LIMS2: variants seen among roughly 807,000 people sequenced by gnomAD.
LIMS2 encodes the protein LIM zinc finger domain containing 2, also known as LIM and senescent cell antigen-like-containing domain protein 2.
Under a neutral mutation model 45.3 loss-of-function variants are expected in LIMS2, and 30 were observed. The observed-to-expected ratio is 0.66, with a 90% confidence interval of 0.50 to 0.90. LIMS2 has a LOEUF of 0.90. Among genes scored for constraint, LIMS2 ranks in the 40% least tolerant of loss-of-function variants. The probability of loss-of-function intolerance (pLI) is 0.00; values close to 1 mark genes in which losing one functional copy is unlikely to be tolerated. For synonymous variants in LIMS2, 173 were observed against 188.0 expected, an observed-to-expected ratio of 0.92 and a Z score of 0.65; for missense variants, 485 against 468.7, an observed-to-expected ratio of 1.03 and a Z score of -0.32.
chr2:127,653,954 G>A lies in LIMS2; in HGVS notation c.359+470C>T, dbSNP rs1224166684. Among the ~76,000 whole-genome samples the A allele has an allele frequency of 1.3e-5, 2 of 152,140 alleles. No homozygotes were observed. The highest frequency in any genetic ancestry group is 4.8e-5 in the African/African-American group (2 of 41,404). On this transcript the variant is annotated intron_variant, in intron 4 of 9. Transcript: ENST00000355119. The surrounding 1 kb of genome is among the most constrained non-coding windows in gnomAD (Gnocchi z 5.3). ...ACGGGATCTCAGAGCTAGGGCCAGG[G>A]GAGGTGGGAGACAAGGCCACCTGCT...
At position 127,649,871 on chromosome 2, in the gene LIMS2, C is replaced by T. The variant is rs991650275; in HGVS notation, c.359+4553G>A. On this transcript the variant is annotated intron_variant, in intron 4 of 9. Transcript: ENST00000355119. Reference sequence around the variant, plus strand: ...CAACAGCGCTGGCCAGTGTCTCTGACGCTGGGTAAAATGGGTCTTCCCCTC... The same window carrying T: ...CAACAGCGCTGGCCAGTGTCTCTGATGCTGGGTAAAATGGGTCTTCCCCTC... The T allele has an allele frequency of 2.7e-4, 188 of 705,730 alleles. 2 individuals are homozygous for T. Among genetic ancestry groups the T allele is most frequent in the African/African-American group, 2.4e-3 (137 of 56,194 alleles). The allele number at this position is 705,730 out of a possible 1,614,324, so 43.7% of individuals were successfully genotyped here. A position where few individuals can be genotyped will look rare whatever the true frequency, so the allele number is the denominator to read the frequency against.
chr2:127,673,645 C>T (rs1457885759), intron 1 of LIMS2: 2 of 1,548,822 alleles, frequency 1.3e-6, no homozygotes, highest in South Asian at 1.2e-5. Flanking sequence ...CTCGACATCC[C>T]TCCTGTGCCT....
At chr2:127,650,821 T>G (rs1558881103) in intron 4 of LIMS2, 10 of 1,613,994 alleles carry the variant, frequency 6.2e-6, no homozygotes, top group Non-Finnish European at 8.5e-6. Flanking sequence ...GAGACGCCAC[T>G]GGAGAACATG....
At position 127,653,832 on chromosome 2, in the gene LIMS2, G is replaced by C. The variant is rs1228347124; in HGVS notation, c.359+592C>G. 1.3e-5 allele frequency among the ~76,000 whole-genome samples: 2 copies of C among 152,120 alleles called. No individual in the cohort carries two copies. Among genetic ancestry groups the C allele is most frequent in the Non-Finnish European group, 2.9e-5 (2 of 68,008 alleles). ...GCAGTGTTTTTAACCCAGCTCCCCA[G>C]CCCAGTCCTTCAGAAAGGACGAGAG... On this transcript the variant is annotated intron_variant, in intron 4 of 9. Coordinates refer to ENST00000355119, the MANE Select transcript of LIMS2 (RefSeq NM_001161403.3). The surrounding 1 kb of genome is among the most constrained non-coding windows in gnomAD (Gnocchi z 5.3).
intron 7 of LIMS2, 40 bp downstream of exon 7, chr2:127,640,856 C>T: frequency 6.3e-7 from 1 of 1,587,256 alleles, no homozygotes; most frequent in South Asian, 1.1e-5. Context: ...CTGGCCACCC[C>T]TCCAGACCCG....
intron 9 of LIMS2, among the ~76,000 whole-genome samples, chr2:127,639,661 T>A (rs1682203507): frequency 6.6e-6 from 1 of 152,132 alleles, no homozygotes; most frequent in South Asian, 2.1e-4. Context: ...GAACCCTCTA[T>A]GCCTCCCCAC....
intron 4 of LIMS2, among the ~76,000 whole-genome samples, chr2:127,644,457 G>GCCCCAA (rs1682749093): frequency 3.3e-5 from 5 of 152,082 alleles, no homozygotes; most frequent in Admixed American, 6.5e-5. Flanking sequence ...CTGTGCCCCA[G>GCCCCAA]CCCCAACCCC....
chr2:127,668,751 G>T (rs993997291), intron 1 of LIMS2, among the ~76,000 whole-genome samples: 3 of 124,556 alleles, frequency 2.4e-5, no homozygotes, highest in Admixed American at 9.5e-5. Flanking sequence ...CTAAAAAATT[G>T]TAAGTGTGGC....
intron 4 of LIMS2, among the ~76,000 whole-genome samples, chr2:127,644,698 G>A (rs537024214): frequency 5.3e-4 from 80 of 152,248 alleles, no homozygotes; most frequent in Non-Finnish European, 5.6e-4. Flanking sequence ...CCATCACCAC[G>A]GTCAATGCCC....
intron 1 of LIMS2, among the ~76,000 whole-genome samples, chr2:127,662,731 C>T (rs906819093): frequency 6.6e-6 from 1 of 151,936 alleles, no homozygotes; most frequent in East Asian, 1.9e-4. Flanking sequence ...CAACATGGCA[C>T]ATGTATACAT....
intron 4 of LIMS2, chr2:127,643,505 C>T (rs1165431718): frequency 6.6e-6 from 3 of 456,916 alleles, no homozygotes; most frequent in East Asian, 6.9e-5. Context: ...CCCCTTCCTT[C>T]GGGGTTTGCC....
In LIMS2 at chr2:127,653,067, G is replaced by A. The variant is rs368463681; in HGVS notation, c.359+1357C>T. On this transcript the variant is annotated intron_variant, in intron 4 of 9. Transcript: ENST00000355119. This position sits in a 1 kb window ranked among gnomAD's most constrained non-coding sequence, Gnocchi z 5.3. ...TGTCCCTCGGCCCCTGCACTGCACC[G>A]TCTGCCCCTCAGCCCTTCATTTAGA... 2.6e-5 allele frequency among the ~76,000 whole-genome samples: 4 copies of A among 152,246 alleles called. No individual in the cohort carries two copies. The highest frequency in any genetic ancestry group is 7.2e-5 in the African/African-American group (3 of 41,530).
chr2:127,657,859 T>G (rs765617570), intron 1 of LIMS2, among the ~76,000 whole-genome samples: 32 of 152,088 alleles, frequency 2.1e-4, no homozygotes, highest in Non-Finnish European at 4.1e-4. Context: ...GTATTCACAC[T>G]CTCATTTAAT....
Position 127,639,380 on chromosome 2 carries a change from G to A in LIMS2, c.927C>T (p.Tyr309=), listed in dbSNP as rs368451336. Residue 309 remains tyrosine, a synonymous_variant, in exon 10 of 10, where the codon TAC becomes TAT. Transcript: ENST00000355119. ...TCTTCAGCTCCAGCGGGAACTTCTC[G>A]TAGCACCTCTTACACACGGGCTTCA... ...FDMKPVCKRC[Y]EKFPLELKKR... The A allele has an allele frequency of 5.6e-5, 90 of 1,613,904 alleles. No homozygotes were observed. The East Asian group carries it at 6.2e-4, about 11-fold the overall frequency.
rs142252859 is a variant in LIMS2, at chr2:127,672,199, G to A, written c.11+2815C>T. Reference sequence around the variant, plus strand: ...TTTCCAGGAATGCCAGGGACAGCTGGGTCCCTAGGTAGGTGGCCTTAATAT... The same window carrying A: ...TTTCCAGGAATGCCAGGGACAGCTGAGTCCCTAGGTAGGTGGCCTTAATAT... On this transcript the variant is annotated intron_variant, in intron 1 of 9. Transcript: ENST00000355119. This position sits in a 1 kb window ranked among gnomAD's most constrained non-coding sequence, Gnocchi z 4.9. Among the ~76,000 whole-genome samples the A allele has an allele frequency of 1.6e-4, 24 of 152,288 alleles. No individual in the cohort carries two copies. The highest frequency in any genetic ancestry group is 4.8e-4 in the African/African-American group (20 of 41,550).
intron 1 of LIMS2, chr2:127,674,526 TG>T: frequency 1.4e-6 from 1 of 726,010 alleles, no homozygotes; most frequent in Non-Finnish European, 1.7e-6. Context: ...GGCGCAGCTC[TG>T]GCCAAGTTCC....
intron 4 of LIMS2, chr2:127,650,601 T>C (rs1683645031): frequency 4.1e-6 from 3 of 728,020 alleles, no homozygotes; most frequent in Admixed American, 2.5e-5. Context: ...TGGGCGGTGC[T>C]GAGCTTGAAA....
chr2:127,649,538 G>A (rs1303417213), intron 4 of LIMS2, among the ~76,000 whole-genome samples: 1 of 152,252 alleles, frequency 6.6e-6, no homozygotes, highest in East Asian at 1.9e-4. Flanking sequence ...CAGGTGCGCT[G>A]TCCTGCCCTG....
upstream of LIMS2, among the ~76,000 whole-genome samples, chr2:127,680,125 G>T (rs569883702): frequency 6.6e-5 from 10 of 152,356 alleles, 1 homozygote; most frequent in African/African-American, 2.4e-4. Context: ...AAGTTAACTT[G>T]GGAAGTGGCT....
Sources: gnomAD v4.1 joint callset for allele counts (sites outside exome capture counted in the v4.1 genomes callset) on GRCh38, gnomAD v4.1.1 for gene constraint, Gnocchi (gnomAD v3.1) non-coding constraint, MANE v1.5 for transcripts, NCBI Gene and HGNC (gene_info 2026-07-23, HGNC 2026-07-21) for gene names.